The following PYGB variants were observed in gnomAD, a reference collection of about 807,000 sequenced individuals.
PYGB encodes the protein glycogen phosphorylase, brain form.
Under a neutral mutation model 94.3 loss-of-function variants are expected in PYGB, and 82 were observed. The observed-to-expected ratio is 0.87, with a 90% CI of 0.73 to 1.04. PYGB has a LOEUF of 1.04. Among genes scored for constraint, PYGB ranks in the 50% least tolerant of loss-of-function variants. The pLI is 0.00. For missense variants in PYGB, 1,132 were observed against 1,158.2 expected, an observed-to-expected ratio of 0.98 and a Z score of 0.33; for synonymous variants, 488 against 479.1, an observed-to-expected ratio of 1.02 and a Z score of -0.24.
intron 3 of PYGB, among the ~76,000 whole-genome samples, chr20:25,271,137 G>A (rs930264902): frequency 2.6e-5 from 4 of 152,188 alleles, no homozygotes; most frequent in Non-Finnish European, 4.4e-5. Flanking sequence ...AGGCCTGGCC[G>A]AGTTCTCTAG....
rs147623138 is a variant in PYGB at position 25,251,856 on chromosome 20, A to G, written c.243+3435A>G. ...AAAGCAGCTCTACCTTGGGGCCCAC[A>G]CTGCTGTCCTAAATATTCCTAATGA... On this transcript the variant is annotated intron_variant, in intron 1 of 19. Coordinates refer to ENST00000216962, the MANE Select transcript of PYGB (RefSeq NM_002862.4). Among the ~76,000 whole-genome samples the G allele has an allele frequency of 2.2e-4, 33 of 152,334 alleles. No individual in the cohort carries two copies. In the Middle Eastern group the frequency reaches 0.01, roughly 47 times the overall value.
At chr20:25,289,156 C>T (rs943661459) in intron 15 of PYGB, among the ~76,000 whole-genome samples, 6 of 152,204 alleles carry the variant, frequency 3.9e-5, no homozygotes, top group African/African-American at 1.4e-4. Context: ...CTGCCTTCAG[C>T]GAGTGGGAAG....
intron 1 of PYGB, among the ~76,000 whole-genome samples, chr20:25,255,861 A>AGCC (rs1568682604): frequency 1.3e-5 from 2 of 151,860 alleles, no homozygotes; most frequent in Admixed American, 1.3e-4. Flanking sequence ...AGCCTTCCGA[A>AGCC]TAGGTGGGAT....
intron 18 of PYGB, 48 bp from the exon 19 acceptor site, chr20:25,295,556 G>A (rs1043777966): frequency 1.3e-6 from 2 of 1,571,364 alleles, no homozygotes; most frequent in African/African-American, 2.7e-5. Flanking sequence ...GGACAGTGTG[G>A]GCAGGGCTCC....
intron 1 of PYGB, among the ~76,000 whole-genome samples, chr20:25,250,574 A>T (rs2092884931): frequency 2.0e-5 from 3 of 152,232 alleles, no homozygotes; most frequent in African/African-American, 4.8e-5. Flanking sequence ...TCATGATGAA[A>T]ATAAGCTTGC....
chr20:25,293,983 C>G, intron 17 of PYGB, 175 bp from the exon 18 acceptor site: 1 of 749,256 alleles, frequency 1.3e-6, no homozygotes. Flanking sequence ...GAGCAGGTCC[C>G]TGCTCAAGGG....
chr20:25,288,956 A>G (rs983142072), intron 15 of PYGB, among the ~76,000 whole-genome samples: 1 of 152,214 alleles, frequency 6.6e-6, no homozygotes, highest in African/African-American at 2.4e-5. Context: ...ACCTCCTGCC[A>G]TGTTTCCCTA....
chr20:25,278,249 G>A (rs962575499), intron 7 of PYGB, 70 bp from the exon 8 acceptor site: 277 of 548,576 alleles, frequency 5.0e-4, no homozygotes, highest in Non-Finnish European at 6.3e-4. Context: ...GAGCCAGGTC[G>A]CTGACCTGGG....
At chr20:25,255,061 T>TTC (rs2092899352) in intron 1 of PYGB, among the ~76,000 whole-genome samples, 1 of 152,206 alleles carries the variant, frequency 6.6e-6, no homozygotes, top group African/African-American at 2.4e-5. Context: ...GAAGCCAAGT[T>TTC]TCCCTGGCAG....
intron 1 of PYGB, among the ~76,000 whole-genome samples, chr20:25,253,115 C>G (rs1236190324): frequency 2.6e-5 from 4 of 152,242 alleles, no homozygotes; most frequent in African/African-American, 9.6e-5. Context: ...TATCTCATTA[C>G]ATCACAGTTT....
At chr20:25,255,117 T>G (rs992262832) in intron 1 of PYGB, among the ~76,000 whole-genome samples, 2 of 152,130 alleles carry the variant, frequency 1.3e-5, no homozygotes, top group African/African-American at 4.8e-5. Flanking sequence ...GCTGGGAGCT[T>G]GAGAGATGTG....
chr20:25,261,264 T>C (rs980756709), intron 2 of PYGB, among the ~76,000 whole-genome samples: 2 of 152,180 alleles, frequency 1.3e-5, no homozygotes, highest in Admixed American at 6.5e-5. Flanking sequence ...CACAGCCGGG[T>C]GCCCCTCTGA....
chr20:25,268,005 G>T (rs529633675), intron 2 of PYGB, among the ~76,000 whole-genome samples: 1 of 152,254 alleles, frequency 6.6e-6, no homozygotes, highest in South Asian at 2.1e-4. Context: ...AAATTTAATG[G>T]ATTTTTGAAT....
Position 25,280,361 on chromosome 20 carries a change from G to T in PYGB, c.1188G>T (p.Leu396=). The change falls in exon 10 of 20, where the codon CTG becomes CTT. Residue 396 remains leucine, a synonymous_variant. Coordinates refer to ENST00000216962, the MANE Select transcript of PYGB (RefSeq NM_002862.4). Reference sequence around the variant, plus strand: ...GGCCCGTGTCCATGTTTGAGAAGCTGCTGCCGCGGCACCTGGAGATAATCT... The same window carrying T: ...GGCCCGTGTCCATGTTTGAGAAGCTTCTGCCGCGGCACCTGGAGATAATCT... ...ERWPVSMFEK[L]LPRHLEIIYA... The T allele has an allele frequency of 6.2e-7, 1 of 1,614,216 alleles. No homozygotes were observed. Among genetic ancestry groups the T allele is most frequent in the South Asian group, 1.1e-5 (1 of 91,090 alleles).
At chr20:25,288,848 T>C (rs1393802397) in intron 15 of PYGB, among the ~76,000 whole-genome samples, 1 of 152,232 alleles carries the variant, frequency 6.6e-6, no homozygotes, top group East Asian at 1.9e-4. Flanking sequence ...CAGTTCACTT[T>C]ATTTACTATG....
chr20:25,263,607 T>C (rs28770021), intron 2 of PYGB, among the ~76,000 whole-genome samples: 9,871 of 152,228 alleles, frequency 0.065, 984 homozygotes, highest in African/African-American at 0.22. Flanking sequence ...ATGTCACCAC[T>C]GATGCCACAG....
At chr20:25,279,356 G>A (rs938462887) in intron 9 of PYGB, among the ~76,000 whole-genome samples, 1 of 152,102 alleles carries the variant, frequency 6.6e-6, no homozygotes, top group Admixed American at 6.5e-5. Context: ...GGGCGCGGGG[G>A]AGATGATAAG....
chr20:25,294,333 A>AGGGG, intron 18 of PYGB, 41 bp downstream of exon 18: 1 of 326,054 alleles, frequency 3.1e-6, no homozygotes, highest in South Asian at 2.2e-5. Flanking sequence ...GGAGGGAGGG[A>AGGGG]GGGAGGGAGG....
intron 4 of PYGB, among the ~76,000 whole-genome samples, chr20:25,272,711 G>A (rs1040841764): frequency 1.3e-5 from 2 of 152,200 alleles, no homozygotes; most frequent in African/African-American, 2.4e-5. Flanking sequence ...TTAGAAAGGC[G>A]CCTTTCTCCA....
Sources: allele counts gnomAD v4.1 joint callset (sites outside exome capture counted in the v4.1 genomes callset), GRCh38; gene constraint gnomAD v4.1.1; transcripts MANE v1.5; gene names NCBI Gene and HGNC (gene_info 2026-07-23, HGNC 2026-07-21).